Variants in INPP5A observed in about 807,000 individuals in gnomAD.
The protein encoded by INPP5A is inositol polyphosphate-5-phosphatase A, also known as 43 kDa inositol polyphosphate 5-phophatase.
INPP5A carries 14 observed loss-of-function variants against 65.2 expected under a neutral mutation model. The ratio of observed to expected loss-of-function variants is 0.21; its 90% CI spans 0.14 to 0.34. The LOEUF is 0.34. Ranked by LOEUF, INPP5A falls within the 10% of genes least tolerant of loss-of-function variation. INPP5A has a pLI of 1.00. For synonymous variants in INPP5A, 207 were observed against 208.3 expected (o/e 0.99, Z 0.05); for missense variants, 431 against 545.6 (o/e 0.79, Z 2.09).
Position 132,705,522 on chromosome 10 carries a change from C to T in INPP5A, c.475-2791C>T, listed in dbSNP as rs553531183. Among the ~76,000 whole-genome samples the T allele has an allele frequency of 5.3e-5, 8 of 152,320 alleles. No individual in the cohort carries two copies. The South Asian group carries it at 8.3e-4, about 16-fold the overall frequency. On this transcript the variant is annotated intron_variant, in intron 6 of 15. Transcript: ENST00000368594. The surrounding 1 kb of genome is among the most constrained non-coding windows in gnomAD (Gnocchi z 4.9). ...TGGTGTGAGGACGGATCCTCCTCGA[C>T]GAGTAGAGCCATAGCCTGGCGTCCA...
chr10:132,590,977 T>G (rs1370752509), intron 1 of INPP5A, among the ~76,000 whole-genome samples: 4 of 152,198 alleles, frequency 2.6e-5, no homozygotes, highest in African/African-American at 9.6e-5. Flanking sequence ...CCATCAGCTC[T>G]GGGGGCCCAG....
At chr10:132,611,887 G>A (rs1369171990) in intron 2 of INPP5A, among the ~76,000 whole-genome samples, 2 of 140,360 alleles carry the variant, frequency 1.4e-5, no homozygotes, top group Non-Finnish European at 3.1e-5. Flanking sequence ...GGGCAGGGGA[G>A]AGGCCCCATC....
At chr10:132,734,114 C>G (rs149505684) in intron 9 of INPP5A, among the ~76,000 whole-genome samples, 106 of 152,362 alleles carry the variant, frequency 7.0e-4, no homozygotes, top group Middle Eastern at 6.8e-3. Flanking sequence ...TCGGTCCACG[C>G]CACCCGCAGT....
intron 14 of INPP5A, among the ~76,000 whole-genome samples, 177 bp from the exon 15 acceptor site, chr10:132,781,684 G>A (rs1453466401): frequency 6.6e-6 from 1 of 152,172 alleles, no homozygotes; most frequent in Non-Finnish European, 1.5e-5. Context: ...CCCAACCCCT[G>A]CGCTGCCGTG....
chr10:132,761,368 T>G (rs1846729776), intron 11 of INPP5A, among the ~76,000 whole-genome samples: 1 of 152,238 alleles, frequency 6.6e-6, no homozygotes, highest in Non-Finnish European at 1.5e-5. Context: ...GACAGCACTC[T>G]GGGTGCCTGC....
chr10:132,736,465 G>A (rs991315754), intron 9 of INPP5A, among the ~76,000 whole-genome samples: 3 of 152,266 alleles, frequency 2.0e-5, no homozygotes, highest in Non-Finnish European at 2.9e-5. Flanking sequence ...GGGAATGGCC[G>A]TTGGGGGCGT....
intron 9 of INPP5A, among the ~76,000 whole-genome samples, chr10:132,742,160 C>A (rs769263068): frequency 6.6e-6 from 1 of 152,246 alleles, no homozygotes; most frequent in African/African-American, 2.4e-5. Context: ...GGAGAGATGG[C>A]GAAGTGCTCC....
intron 4 of INPP5A, among the ~76,000 whole-genome samples, chr10:132,655,855 G>A (rs1159031818): frequency 2.6e-5 from 4 of 152,216 alleles, no homozygotes; most frequent in Admixed American, 1.3e-4. Context: ...CTTGTCACCC[G>A]CCCCTCCCAG....
At chr10:132,711,562 CCT>C (rs1845637393) in intron 8 of INPP5A, among the ~76,000 whole-genome samples, 1 of 152,178 alleles carries the variant, frequency 6.6e-6, no homozygotes. Flanking sequence ...CTAGAGGGCC[CCT>C]GACCTGAGCC....
At chr10:132,733,769 A>G (rs947820643) in intron 9 of INPP5A, among the ~76,000 whole-genome samples, 4 of 152,066 alleles carry the variant, frequency 2.6e-5, no homozygotes, top group Non-Finnish European at 5.9e-5. Context: ...TCCGTGTGTG[A>G]ACAAGCTGAT....
At chr10:132,548,561 A>G (rs1349307324) in intron 1 of INPP5A, among the ~76,000 whole-genome samples, 1 of 152,100 alleles carries the variant, frequency 6.6e-6, no homozygotes, top group Non-Finnish European at 1.5e-5. Flanking sequence ...GAAAATATTT[A>G]TGGTGTGTAA....
intron 12 of INPP5A, among the ~76,000 whole-genome samples, chr10:132,773,845 C>CCA (rs1321974118): frequency 2.0e-5 from 3 of 152,214 alleles, no homozygotes; most frequent in Non-Finnish European, 4.4e-5. Flanking sequence ...CACTGCAGCC[C>CCA]CATCTTCTGG....
intron 9 of INPP5A, among the ~76,000 whole-genome samples, chr10:132,736,040 C>T (rs1006959472): frequency 2.0e-5 from 3 of 152,222 alleles, no homozygotes; most frequent in Non-Finnish European, 4.4e-5. Flanking sequence ...TGCAGACTTG[C>T]TCACAGAGCA....
At chr10:132,629,629 T>C (rs1436172127) in intron 2 of INPP5A, among the ~76,000 whole-genome samples, 2 of 152,372 alleles carry the variant, frequency 1.3e-5, no homozygotes, top group East Asian at 3.9e-4. Context: ...TGCTGCGTGG[T>C]TTGGCCCTTC....
In INPP5A at chr10:132,766,078, A is replaced by G. The variant is rs150731076; in HGVS notation, c.977+232A>G. 7.8e-4 allele frequency among the ~76,000 whole-genome samples: 118 copies of G among 151,984 alleles called. 2 individuals are homozygous for G. The East Asian group carries it at 0.022, about 28-fold the overall frequency. On this transcript the variant is annotated intron_variant, in intron 12 of 15. Transcript: ENST00000368594. ...AACGTATGCGTCTGTGTGTGTGCAC[A>G]TGTGCACGAGTGTGTGTGCACGAGT...
At chr10:132,611,115 G>T (rs1335171326) in intron 2 of INPP5A, among the ~76,000 whole-genome samples, 1 of 149,512 alleles carries the variant, frequency 6.7e-6, no homozygotes, top group Admixed American at 6.6e-5. Flanking sequence ...AGGTGAGGTG[G>T]GCAGGGGAGA....
chr10:132,621,180 A>G (rs2072102711), intron 2 of INPP5A, among the ~76,000 whole-genome samples: 1 of 152,212 alleles, frequency 6.6e-6, no homozygotes, highest in Non-Finnish European at 1.5e-5. Context: ...TTAAACTGTG[A>G]TAGAGGAAGT....
chr10:132,650,381 G>C lies in INPP5A; in HGVS notation c.219-37G>C. On this transcript the variant is annotated intron_variant, in intron 3 of 15. Coordinates refer to ENST00000368594, the MANE Select transcript of INPP5A (RefSeq NM_005539.5). The surrounding 1 kb of genome is among the most constrained non-coding windows in gnomAD (Gnocchi z 5.5). The stretch of plus-strand genomic sequence containing the variant: ...ATCTCATGAGGTGCAAGGCGTCTGT[G>C]TGGCTTTTCCTCAGGAACCTACTTT... 2 of 1,470,672 alleles carry C rather than the reference G, an allele frequency of 1.4e-6. No individual in the cohort carries two copies. The highest frequency in any genetic ancestry group is 1.9e-6 in the Non-Finnish European group (2 of 1,049,342). The allele number at this position is 1,470,672 out of a possible 1,614,324, so 91.1% of individuals were successfully genotyped here.
chr10:132,560,550 G>T (rs2133268293), intron 1 of INPP5A, among the ~76,000 whole-genome samples: 1 of 152,232 alleles, frequency 6.6e-6, no homozygotes, highest in South Asian at 2.1e-4. Flanking sequence ...TGCTTACTGG[G>T]TATTTGTAGA....
Sources: allele counts gnomAD v4.1 joint callset (sites outside exome capture counted in the v4.1 genomes callset), GRCh38; gene constraint gnomAD v4.1.1; non-coding constraint Gnocchi (gnomAD v3.1); transcripts MANE v1.5; gene names NCBI Gene and HGNC (gene_info 2026-07-23, HGNC 2026-07-21).